Variants in KLHL36 observed in about 807,000 individuals in gnomAD.
The protein encoded by KLHL36 is kelch like family member 36, also known as kelch-like protein 36.
Under a neutral mutation model 53.3 loss-of-function variants are expected in KLHL36, and 35 were observed. The observed-to-expected ratio is 0.66, with a 90% CI of 0.50 to 0.87. KLHL36 has a LOEUF of 0.87. Among genes scored for constraint, KLHL36 ranks in the 40% least tolerant of loss-of-function variants. The probability of loss-of-function intolerance (pLI) is 0.00; values close to 1 mark genes in which losing one functional copy is unlikely to be tolerated. For missense variants in KLHL36, 864 were observed against 897.6 expected (o/e 0.96, Z 0.48); for synonymous variants, 472 against 398.9 (o/e 1.18, Z -2.18).
rs1907717859 is a variant in KLHL36, at chr16:84,664,260, C to T, written c.*2127C>T. 1 of 152,236 alleles carries T rather than the reference C, an allele frequency of 6.6e-6. No homozygotes were observed. The highest frequency in any genetic ancestry group is 1.5e-5 in the Non-Finnish European group (1 of 68,054). 9.4% of individuals were successfully genotyped at this position (152,236 alleles called of 1,614,324 possible). A position where few individuals can be genotyped will look rare whatever the true frequency, so the allele number is the denominator to read the frequency against. ...GGTGTACGTGGGCTGTTCTCCCCAT[C>T]TCAGCCTGGGTCATGAACAAACGGG... is the stretch of plus-strand genomic sequence containing the variant. On this transcript the variant is annotated 3_prime_UTR_variant, in exon 5 of 5. Coordinates refer to ENST00000564996, the MANE Select transcript of KLHL36 (RefSeq NM_024731.4).
rs1907532813 is a variant in KLHL36, at chr16:84,661,334, C to G, written c.1296-244C>G. On this transcript the variant is annotated intron_variant, in intron 4 of 4. Transcript: ENST00000564996. This position sits in a 1 kb window ranked among gnomAD's most constrained non-coding sequence, Gnocchi z 7.9. ...TTTCCCAGATGGGGCAAGGGAGACT[C>G]AGAGAGAGTGAAGCTGGGTTCTGGC... is the stretch of plus-strand genomic sequence containing the variant. Among the ~76,000 whole-genome samples the G allele has an allele frequency of 6.6e-6, 1 of 152,178 alleles. No individual in the cohort carries two copies. The highest frequency in any genetic ancestry group is 2.1e-4 in the South Asian group (1 of 4,834).
At chr16:84,658,400 A>G (rs1907351738) in intron 3 of KLHL36, 1 of 153,030 alleles carries the variant, frequency 6.5e-6, no homozygotes, top group African/African-American at 2.4e-5. Flanking sequence ...CCATGGTTCA[A>G]CATCCCCAGG....
At chr16:84,654,925 A>C (rs1411363957) in intron 2 of KLHL36, among the ~76,000 whole-genome samples, 1 of 152,160 alleles carries the variant, frequency 6.6e-6, no homozygotes, top group African/African-American at 2.4e-5. Context: ...TAGGAGTTTC[A>C]GGCCGCAGTG....
chr16:84,666,164 A>G lies in KLHL36; in HGVS notation c.*4031A>G, dbSNP rs1234419845. The G allele has an allele frequency of 3.9e-5, 6 of 152,210 alleles. No homozygotes were observed. The highest frequency in any genetic ancestry group is 2.6e-4 in the Admixed American group (4 of 15,286). 9.4% of individuals were successfully genotyped at this position (152,210 alleles called of 1,614,324 possible). A position where few individuals can be genotyped will look rare whatever the true frequency, so the allele number is the denominator to read the frequency against. On this transcript the variant is annotated 3_prime_UTR_variant, in exon 5 of 5. Transcript: ENST00000564996. ...GCATCTGCCAAGCCTGGCAGTTTTT[A>G]GAGTTTTTTGAAATGTTTTGATACT... is the stretch of plus-strand genomic sequence containing the variant.
chr16:84,663,941 A>C lies in KLHL36; in HGVS notation c.*1808A>C, dbSNP rs887112751. 6.6e-6 allele frequency: 1 copy of C among 152,192 alleles called. No homozygotes were observed. The highest frequency in any genetic ancestry group is 2.4e-5 in the African/African-American group (1 of 41,450). The allele number at this position is 152,192 out of a possible 1,614,324, so 9.4% of individuals were successfully genotyped here. On this transcript the variant is annotated 3_prime_UTR_variant, in exon 5 of 5. Coordinates refer to ENST00000564996, the MANE Select transcript of KLHL36 (RefSeq NM_024731.4). ...CAGCTAGCTAGTTATTTGCATGTGA[A>C]GTCCCTGGAGGCTTACAAACTGTTG... is the stretch of plus-strand genomic sequence containing the variant.
chr16:84,659,676 A>T, intron 3 of KLHL36, 84 bp from the exon 4 acceptor site: 1 of 1,387,084 alleles, frequency 7.2e-7, no homozygotes, highest in Non-Finnish European at 1.0e-6. Flanking sequence ...TGCATTCCGC[A>T]GACACATTTG....
chr16:84,658,854 A>T (rs1408999329), intron 3 of KLHL36: 1 of 152,128 alleles, frequency 6.6e-6, no homozygotes, highest in African/African-American at 2.4e-5. Context: ...TTACTCTCAG[A>T]AATCTGAGAC....
At chr16:84,653,023 C>T (rs578222577) in intron 2 of KLHL36, among the ~76,000 whole-genome samples, 2 of 152,120 alleles carry the variant, frequency 1.3e-5, no homozygotes, top group African/African-American at 4.8e-5. Flanking sequence ...TTGAGACCAG[C>T]TTGGACAACA....
chr16:84,656,668 T>C (rs1211087885), intron 2 of KLHL36, among the ~76,000 whole-genome samples: 7 of 142,954 alleles, frequency 4.9e-5, no homozygotes, highest in African/African-American at 1.3e-4. Context: ...AAAGAAGTTA[T>C]ATTAATAAGA....
chr16:84,652,028 G>C (rs530393330), intron 2 of KLHL36, among the ~76,000 whole-genome samples: 1 of 152,280 alleles, frequency 6.6e-6, no homozygotes, highest in African/African-American at 2.4e-5. Flanking sequence ...ATGACCTCCT[G>C]TTCTCACGTG....
chr16:84,658,327 T>A, intron 3 of KLHL36: 1 of 167,116 alleles, frequency 6.0e-6, no homozygotes, highest in Non-Finnish European at 1.3e-5. Flanking sequence ...GACGTGTAAG[T>A]GTATGTGGCC....
At chr16:84,660,870 C>T (rs760305460) in intron 4 of KLHL36, among the ~76,000 whole-genome samples, 5 of 152,168 alleles carry the variant, frequency 3.3e-5, no homozygotes, top group Non-Finnish European at 7.4e-5. Flanking sequence ...GATCCACCCA[C>T]CTCACCCTCA....
chr16:84,662,985 A>G lies in KLHL36; in HGVS notation c.*852A>G, dbSNP rs1473376053. ...TTTTTTTCTGAACCCACTGTCTTTTATATTACTGATGTACTGAGCTCCCAA... is the reference window on the plus strand; with the variant it reads ...TTTTTTTCTGAACCCACTGTCTTTTGTATTACTGATGTACTGAGCTCCCAA... On this transcript the variant is annotated 3_prime_UTR_variant, in exon 5 of 5. Transcript: ENST00000564996. 6.9e-6 allele frequency: 1 copy of G among 145,516 alleles called. No individual in the cohort carries two copies. The highest frequency in any genetic ancestry group is 1.5e-5 in the Non-Finnish European group (1 of 66,320). The allele number at this position is 145,516 out of a possible 1,614,324, so 9.0% of individuals were successfully genotyped here.
At chr16:84,650,816 A>C in intron 1 of KLHL36, 36 bp from the exon 2 acceptor site, 1 of 1,472,630 alleles carries the variant, frequency 6.8e-7, no homozygotes, top group Non-Finnish European at 9.5e-7. Context: ...ACCTAGAGTT[A>C]TGACTGCATG....
intron 2 of KLHL36, among the ~76,000 whole-genome samples, chr16:84,655,885 G>T (rs558013766): frequency 1.5e-4 from 22 of 151,690 alleles, no homozygotes; most frequent in African/African-American, 4.4e-4. Flanking sequence ...TTCTCCCTAT[G>T]TTGAATTCAT....
rs758268950 is a variant in KLHL36 at position 84,657,311 on chromosome 16, T to C, written c.504T>C (p.Asp168=). The C allele has an allele frequency of 6.2e-7, 1 of 1,613,844 alleles. No individual in the cohort carries two copies. The highest frequency in any genetic ancestry group is 8.5e-7 in the Non-Finnish European group (1 of 1,180,022). The change falls in exon 3 of 5, where the codon GAT becomes GAC. Residue 168 remains aspartate (D), a synonymous_variant. Coordinates refer to ENST00000564996, the MANE Select transcript of KLHL36 (RefSeq NM_024731.4). The part of the protein sequence containing the change: ...YSLKRLDAFI[D]GFILNHFGTL... ...TCAAGCGGCTTGATGCCTTCATCGA[T>C]GGCTTCATCCTGAACCACTTCGGCA...
intron 4 of KLHL36, among the ~76,000 whole-genome samples, chr16:84,660,466 C>T (rs958534453): frequency 3.9e-5 from 6 of 152,158 alleles, no homozygotes; most frequent in South Asian, 2.1e-4. Context: ...GTGCATGTAT[C>T]GAGCATTTAT....
chr16:84,653,391 T>A (rs554546938), intron 2 of KLHL36, among the ~76,000 whole-genome samples: 1 of 152,182 alleles, frequency 6.6e-6, no homozygotes, highest in African/African-American at 2.4e-5. Flanking sequence ...ACAAGACTCA[T>A]ATCATCAGAG....
rs771122485 is a variant in KLHL36, at chr16:84,657,343, C to T, written c.536C>T (p.Ser179Phe). 6.2e-7 allele frequency: 1 copy of T among 1,612,934 alleles called. No individual in the cohort carries two copies. The highest frequency in any genetic ancestry group is 8.5e-7 in the Non-Finnish European group (1 of 1,180,026). ...ATCCTGAACCACTTCGGCACGCTGT[C>T]CTTTACGCCCGACTTCCTGCAGAAC... ...GFILNHFGTL[S>F]FTPDFLQNVS... The change falls in exon 3 of 5, where the codon TCC (serine) becomes TTC (phenylalanine). Residue 179 changes from serine to phenylalanine, a missense_variant. Transcript: ENST00000564996.
Sources: gnomAD v4.1 joint callset for allele counts (sites outside exome capture counted in the v4.1 genomes callset) on GRCh38, gnomAD v4.1.1 for gene constraint, Gnocchi (gnomAD v3.1) non-coding constraint, MANE v1.5 for transcripts, NCBI Gene and HGNC (gene_info 2026-07-23, HGNC 2026-07-21) for gene names.